RYR3: variants seen among roughly 807,000 people sequenced by gnomAD.
The protein encoded by RYR3 is brain ryanodine receptor-calcium release channel.
A neutral mutation model predicts 584.3 loss-of-function variants in RYR3; 207 were observed. The ratio of observed to expected loss-of-function variants is 0.35; its 90% CI spans 0.32 to 0.40. The LOEUF is 0.40. Among genes scored for constraint, RYR3 ranks in the 10% least tolerant of loss-of-function variants. The probability of loss-of-function intolerance (pLI) is 1.00; values close to 1 mark genes in which losing one functional copy is unlikely to be tolerated. For synonymous variants in RYR3, 2,416 were observed against 2,248.5 expected, an observed-to-expected ratio of 1.07 and a Z score of -2.11; for missense variants, 5,616 against 6,089.2, an observed-to-expected ratio of 0.92 and a Z score of 2.59.
intron 62 of RYR3, among the ~76,000 whole-genome samples, chr15:33,771,440 A>G (rs919768866): frequency 1.3e-4 from 19 of 151,900 alleles, no homozygotes; most frequent in African/African-American, 4.1e-4. Context: ...AGGCTGAGGC[A>G]GGAGAATTGC....
chr15:33,794,297 ATATATATATTTT>A lies in RYR3; in HGVS notation c.9830+5849_9830+5860del, dbSNP rs1411328227. ...TAGGTAAGGAAAGAAAAGATTTTTT[ATATATATATTTT>A]TATATATATATATTTTTATATATGT... is the stretch of plus-strand genomic sequence containing the variant. On this transcript the variant is annotated intron_variant, in intron 67 of 103. Transcript: ENST00000634891. Among the ~76,000 whole-genome samples the A allele has an allele frequency of 1.5e-3, 156 of 104,304 alleles. 7 individuals are homozygous for A. The highest frequency in any genetic ancestry group is 2.2e-3 in the Admixed American group (21 of 9,444). The allele number at this position is 104,304 out of a possible 152,430, so 68.4% of individuals were successfully genotyped here.
intron 76 of RYR3, among the ~76,000 whole-genome samples, chr15:33,819,119 G>A (rs538645801): frequency 9.2e-5 from 14 of 151,962 alleles, no homozygotes; most frequent in South Asian, 4.2e-4. Flanking sequence ...GCAAAACTCC[G>A]TCTCCAGAAA....
At chr15:33,726,245 C>A in intron 45 of RYR3, 141 bp from the exon 46 acceptor site, 1 of 859,526 alleles carries the variant, frequency 1.2e-6, no homozygotes, top group Non-Finnish European at 1.8e-6. Flanking sequence ...TCCCTGTGGC[C>A]ACAAGTGTCT....
At chr15:33,401,415 C>T (rs913674694) in intron 1 of RYR3, among the ~76,000 whole-genome samples, 1 of 152,190 alleles carries the variant, frequency 6.6e-6, no homozygotes, top group Non-Finnish European at 1.5e-5. Flanking sequence ...ATTTAAGTCA[C>T]CTGGTAAAAT....
intron 24 of RYR3, among the ~76,000 whole-genome samples, chr15:33,634,286 A>C (rs2061402009): frequency 6.6e-6 from 1 of 152,088 alleles, no homozygotes. Flanking sequence ...CCTGACCTCA[A>C]GTGATCCACC....
chr15:33,670,639 A>G, intron 38 of RYR3, 83 bp downstream of exon 38: 2 of 1,341,914 alleles, frequency 1.5e-6, no homozygotes. Flanking sequence ...ACTGTAAGAT[A>G]GATAGGGGCT....
At chr15:33,663,049 G>T in intron 35 of RYR3, 101 bp downstream of exon 35, 1 of 1,082,602 alleles carries the variant, frequency 9.2e-7, no homozygotes, top group South Asian at 1.5e-5. Context: ...GGTATGTCAA[G>T]TGCTTGGCAT....
At position 33,826,233 on chromosome 15, in the gene RYR3, G is replaced by A; in HGVS notation, c.11147-19G>A. On this transcript the variant is annotated intron_variant, in intron 82 of 103. Coordinates refer to ENST00000634891, the MANE Select transcript of RYR3 (RefSeq NM_001036.6). ...CAGTTTTCTTACTTTCTATTCTTCT[G>A]TTTTTCTCTCATTACCAGTCATTGT... The A allele has an allele frequency of 1.9e-6, 3 of 1,613,138 alleles. No individual in the cohort carries two copies. The highest frequency in any genetic ancestry group is 2.5e-6 in the Non-Finnish European group (3 of 1,179,222).
intron 38 of RYR3, among the ~76,000 whole-genome samples, chr15:33,678,054 T>A (rs1456534833): frequency 6.6e-6 from 1 of 152,190 alleles, no homozygotes; most frequent in South Asian, 2.1e-4. Flanking sequence ...GCCATCATCG[T>A]TGGGGAAATT....
chr15:33,679,154 TC>T (rs1184956963), intron 38 of RYR3, among the ~76,000 whole-genome samples: 2 of 34,520 alleles, frequency 5.8e-5, no homozygotes, highest in African/African-American at 1.0e-4. Context: ...TGAGTTCCCC[TC>T]CCCCCCGCCC....
intron 18 of RYR3, among the ~76,000 whole-genome samples, chr15:33,605,011 T>C (rs1192987189): frequency 2.8e-4 from 42 of 152,178 alleles, no homozygotes; most frequent in Non-Finnish European, 5.9e-5. Flanking sequence ...AAGAATGTTC[T>C]CTGGAGCCCA....
At chr15:33,317,428 C>T (rs182007179) in intron 1 of RYR3, among the ~76,000 whole-genome samples, 2 of 152,286 alleles carry the variant, frequency 1.3e-5, no homozygotes, top group Admixed American at 6.5e-5. Context: ...CACACTGGGT[C>T]CTCCAGGCCC....
At chr15:33,747,376 C>CTTTTT (rs34350928) in intron 53 of RYR3, among the ~76,000 whole-genome samples, 1 of 95,080 alleles carries the variant, frequency 1.1e-5, no homozygotes, top group African/African-American at 4.1e-5. Flanking sequence ...AAAGAGAAAT[C>CTTTTT]TTTTTTTTTT....
At chr15:33,634,763 C>T (rs1409157681) in intron 25 of RYR3, 30 bp downstream of exon 25, 2 of 1,604,386 alleles carry the variant, frequency 1.2e-6, no homozygotes, top group East Asian at 4.5e-5. Context: ...TATTCTGGCC[C>T]CAGTTTACTA....
At chr15:33,451,977 C>T (rs1191672832) in intron 1 of RYR3, among the ~76,000 whole-genome samples, 1 of 152,222 alleles carries the variant, frequency 6.6e-6, no homozygotes, top group Non-Finnish European at 1.5e-5. Context: ...ATCACAATCA[C>T]AGACTTAATC....
intron 1 of RYR3, among the ~76,000 whole-genome samples, chr15:33,317,593 G>A (rs1968370676): frequency 6.6e-6 from 1 of 152,142 alleles, no homozygotes. Context: ...AAAAGTGCTG[G>A]CACCTCAGCC....
At chr15:33,351,831 T>G (rs1265762180) in intron 1 of RYR3, among the ~76,000 whole-genome samples, 1 of 150,568 alleles carries the variant, frequency 6.6e-6, no homozygotes, top group Non-Finnish European at 1.5e-5. Context: ...CTGGAAGCAT[T>G]CCCTTTGAAA....
At chr15:33,828,199 T>A (rs1330688818) in intron 85 of RYR3, among the ~76,000 whole-genome samples, 1 of 152,216 alleles carries the variant, frequency 6.6e-6, no homozygotes, top group Admixed American at 6.5e-5. Context: ...ACAGCAAACT[T>A]AATGTTGCAT....
At chr15:33,487,995 C>T (rs2142444367) in intron 2 of RYR3, among the ~76,000 whole-genome samples, 1 of 152,308 alleles carries the variant, frequency 6.6e-6, no homozygotes, top group Middle Eastern at 3.4e-3. Context: ...AAGTGCAACA[C>T]ATGTCAAGTT....
Sources: gnomAD v4.1 joint callset for allele counts (sites outside exome capture counted in the v4.1 genomes callset) on GRCh38, gnomAD v4.1.1 for gene constraint, MANE v1.5 for transcripts, NCBI Gene and HGNC (gene_info 2026-07-23, HGNC 2026-07-21) for gene names.